NIBAN1: variants seen among roughly 807,000 people sequenced by gnomAD.
NIBAN1 encodes the protein protein Niban 1.
NIBAN1 carries 81 observed loss-of-function variants against 75.1 expected under a neutral mutation model. The observed-to-expected ratio is 1.08, with a 90% CI of 0.90 to 1.30. The LOEUF (loss-of-function observed/expected upper bound fraction) is 1.30. Ranked by LOEUF, NIBAN1 falls within the 50% of genes most tolerant of loss-of-function variation. The pLI is 0.00. For synonymous variants in NIBAN1, 436 were observed against 424.8 expected (o/e 1.03, Z -0.32); for missense variants, 1,133 against 1,128.1 (o/e 1.00, Z -0.06).
At chr1:184,894,304 C>G in intron 2 of NIBAN1, 98 bp from the exon 3 acceptor site, 1 of 1,286,228 alleles carries the variant, frequency 7.8e-7, no homozygotes, top group Non-Finnish European at 1.0e-6. Context: ...GTTTAGGAAA[C>G]TATCTTCCAC....
chr1:184,850,687 C>T (rs1655518196), intron 5 of NIBAN1, among the ~76,000 whole-genome samples: 2 of 15,416 alleles, frequency 1.3e-4, no homozygotes, highest in Admixed American at 8.3e-4. Flanking sequence ...TCAGAGTGAA[C>T]AGGCAACCTA....
At chr1:184,897,772 A>G (rs1000313111) in intron 2 of NIBAN1, among the ~76,000 whole-genome samples, 3 of 152,216 alleles carry the variant, frequency 2.0e-5, no homozygotes, top group African/African-American at 7.2e-5. Flanking sequence ...TTAAAAACCA[A>G]GAAGTCATCA....
At chr1:184,884,869 G>T (rs910945436) in intron 4 of NIBAN1, 69 bp from the exon 5 acceptor site, 2 of 1,542,442 alleles carry the variant, frequency 1.3e-6, no homozygotes, top group Admixed American at 3.7e-5. Flanking sequence ...TGTGTTTCAG[G>T]TCGTGAGGGT....
intron 11 of NIBAN1, among the ~76,000 whole-genome samples, chr1:184,804,626 A>T (rs1654137540): frequency 6.6e-6 from 1 of 152,002 alleles, no homozygotes; most frequent in Non-Finnish European, 1.5e-5. Flanking sequence ...TCTCTTTGAA[A>T]CCTGAGGTCC....
rs777265482 is a variant in NIBAN1, at chr1:184,806,008, G to C, written c.1384C>G (p.Leu462Val). Residue 462 changes from leucine (L) to valine (V), a missense_variant, in exon 11 of 14, where the codon CTC becomes GTC. By Grantham distance (32) the Leu-to-Val change is conservative. Transcript: ENST00000367511. ...GCAGTTTTGGAGGCCTCTCCTTGGA[G>C]ATGTGGGGAAAGCAACTGCTCAAAA... ...FTFEQLLSPH[L>V]QGEASKTAVA... 51 of 1,614,082 alleles carry C rather than the reference G, an allele frequency of 3.2e-5. No individual in the cohort carries two copies. The highest frequency in any genetic ancestry group is 4.1e-5 in the Non-Finnish European group (48 of 1,180,034).
intron 1 of NIBAN1, among the ~76,000 whole-genome samples, chr1:184,941,198 C>A (rs1243903653): frequency 1.3e-5 from 2 of 152,162 alleles, no homozygotes; most frequent in East Asian, 3.8e-4. Flanking sequence ...ATTTGGCAAT[C>A]CTTTCCCTCT....
chr1:184,952,585 C>CA (rs1474733056), intron 1 of NIBAN1, among the ~76,000 whole-genome samples: 5 of 152,086 alleles, frequency 3.3e-5, no homozygotes, highest in East Asian at 3.9e-4. Flanking sequence ...AAATTGCACA[C>CA]AAAAAAATCT....
intron 8 of NIBAN1, 84 bp from the exon 9 acceptor site, chr1:184,818,909 G>GC (rs1654614534): frequency 1.2e-5 from 17 of 1,416,078 alleles, no homozygotes; most frequent in Non-Finnish European, 1.6e-5. Flanking sequence ...GCTGAATGGT[G>GC]CCCCACGGAG....
intron 5 of NIBAN1, among the ~76,000 whole-genome samples, chr1:184,832,943 T>G (rs1655037872): frequency 6.6e-6 from 1 of 152,092 alleles, no homozygotes; most frequent in Admixed American, 6.5e-5. Flanking sequence ...GAAATGAACT[T>G]CAGAAATAAT....
At chr1:184,922,662 A>G (rs530714347) in intron 1 of NIBAN1, among the ~76,000 whole-genome samples, 28 of 152,268 alleles carry the variant, frequency 1.8e-4, no homozygotes, top group African/African-American at 6.7e-4. Context: ...GCTGCAGTGC[A>G]ATGGCACAAT....
chr1:184,916,601 T>G (rs1204044793), intron 1 of NIBAN1, among the ~76,000 whole-genome samples: 1 of 151,666 alleles, frequency 6.6e-6, no homozygotes, highest in Non-Finnish European at 1.5e-5. Flanking sequence ...AAATGAGGGG[T>G]TTTTTTTAAG....
chr1:184,819,357 C>G (rs2102216757), intron 8 of NIBAN1, among the ~76,000 whole-genome samples: 1 of 152,220 alleles, frequency 6.6e-6, no homozygotes, highest in East Asian at 1.9e-4. Flanking sequence ...GTCCCCATCC[C>G]TGATTAAAAC....
chr1:184,897,836 C>T (rs1268136065), intron 2 of NIBAN1, among the ~76,000 whole-genome samples: 2 of 152,170 alleles, frequency 1.3e-5, no homozygotes, highest in Non-Finnish European at 2.9e-5. Flanking sequence ...TATGTTCTGT[C>T]AGCTCTATCA....
chr1:184,949,870 C>T (rs1257036147), intron 1 of NIBAN1, among the ~76,000 whole-genome samples: 1 of 152,034 alleles, frequency 6.6e-6, no homozygotes, highest in African/African-American at 2.4e-5. Flanking sequence ...GAAAATTATG[C>T]AGTACTGGGT....
At chr1:184,796,343 C>T (rs1382551911) in intron 13 of NIBAN1, among the ~76,000 whole-genome samples, 1 of 152,168 alleles carries the variant, frequency 6.6e-6, no homozygotes. Context: ...CCTGGGAATC[C>T]AGAGATGAAT....
chr1:184,881,843 G>A (rs574057608), intron 5 of NIBAN1, among the ~76,000 whole-genome samples: 2 of 152,054 alleles, frequency 1.3e-5, no homozygotes, highest in Non-Finnish European at 2.9e-5. Flanking sequence ...GGTGGGTTTG[G>A]GCTGGCTCCT....
chr1:184,973,822 C>A (rs1405797238), intron 1 of NIBAN1, among the ~76,000 whole-genome samples: 1 of 152,244 alleles, frequency 6.6e-6, no homozygotes, highest in East Asian at 1.9e-4. Context: ...GAAGTGCGAG[C>A]GAAGCTGCGG....
At chr1:184,860,647 T>C (rs947025915) in intron 5 of NIBAN1, among the ~76,000 whole-genome samples, 6 of 152,222 alleles carry the variant, frequency 3.9e-5, no homozygotes, top group African/African-American at 1.4e-4. Flanking sequence ...AATAACTATA[T>C]GAATGGGCAC....
intron 5 of NIBAN1, among the ~76,000 whole-genome samples, chr1:184,835,804 C>A (rs1655126553): frequency 6.6e-6 from 1 of 152,240 alleles, no homozygotes; most frequent in African/African-American, 2.4e-5. Flanking sequence ...GACAATTTGA[C>A]TTCCTCTTTT....
Sources: allele counts gnomAD v4.1 joint callset (sites outside exome capture counted in the v4.1 genomes callset), GRCh38; gene constraint gnomAD v4.1.1; transcripts MANE v1.5; gene names NCBI Gene and HGNC (gene_info 2026-07-23, HGNC 2026-07-21).